CACNA1G: variants seen among roughly 807,000 people sequenced by gnomAD.
CACNA1G encodes the protein voltage-dependent T-type calcium channel subunit alpha-1G.
A neutral mutation model predicts 219.4 loss-of-function variants in CACNA1G; 67 were observed. That is an observed-to-expected ratio of 0.31 (90% CI 0.25 to 0.37). The LOEUF (loss-of-function observed/expected upper bound fraction) is 0.37, where lower values mean the gene tolerates loss of function less well. CACNA1G is among the 10% of genes least tolerant of loss of function. The pLI is 1.00. For missense variants in CACNA1G, 2,380 were observed against 3,231.4 expected (o/e 0.74, Z 6.39); for synonymous variants, 1,296 against 1,345.3 (o/e 0.96, Z 0.80).
In CACNA1G at chr17:50,572,397, C is replaced by T. The variant is rs198546; in HGVS notation, c.747-157C>T. ...CACTCAGGCCTCATGCTCCTGGTGC[C>T]CACAAATCCCTGCCCTGCCCAGTCC... On this transcript the variant is annotated intron_variant, in intron 5 of 37. Transcript: ENST00000359106. 0.085 allele frequency among the ~76,000 whole-genome samples: 12,999 copies of T among 152,130 alleles called. 748 individuals are homozygous for T. The highest frequency in any genetic ancestry group is 0.15 in the African/African-American group (6,159 of 41,466).
At position 50,618,113 on chromosome 17, in the gene CACNA1G, C is replaced by A; in HGVS notation, c.5292C>A (p.Leu1764=). 6.2e-7 allele frequency: 1 copy of A among 1,613,912 alleles called. No individual in the cohort carries two copies. Among genetic ancestry groups the A allele is most frequent in the Non-Finnish European group, 8.5e-7 (1 of 1,179,840 alleles). The part of the protein sequence containing the change: ...FFIFAALGVE[L]FGDLECDETH... ...TCTTTGCAGCTCTGGGCGTGGAGCT[C>A]TTTGGAGACCTGGGTGAGTTGGGGT... The change falls in exon 31 of 38, where the codon CTC becomes CTA. Residue 1764 remains leucine, a synonymous_variant. Coordinates refer to ENST00000359106, the MANE Select transcript of CACNA1G (RefSeq NM_018896.5). The surrounding 1 kb of genome is among the most constrained non-coding windows in gnomAD (Gnocchi z 5.3).
chr17:50,608,124 A>G, intron 25 of CACNA1G, 105 bp downstream of exon 25: 1 of 987,422 alleles, frequency 1.0e-6, no homozygotes, highest in Middle Eastern at 2.1e-4. Context: ...GGCCGGGGGC[A>G]GGGAGAAGAG....
At chr17:50,595,273 A>C (rs1375946194) in intron 14 of CACNA1G, among the ~76,000 whole-genome samples, 1 of 152,128 alleles carries the variant, frequency 6.6e-6, no homozygotes, top group East Asian at 1.9e-4. Context: ...CTCTGCCCCC[A>C]TCAACCCACC....
chr17:50,607,191 A>C, intron 24 of CACNA1G: 2 of 633,870 alleles, frequency 3.2e-6, no homozygotes, highest in Non-Finnish European at 5.8e-6. Context: ...GTTTTGAATT[A>C]GTGATGAATA....
At chr17:50,608,565 A>C (rs2048461140) in intron 25 of CACNA1G, among the ~76,000 whole-genome samples, 1 of 147,658 alleles carries the variant, frequency 6.8e-6, no homozygotes, top group East Asian at 1.9e-4. Flanking sequence ...CTAAACTTAA[A>C]AAAAGAAAAA....
chr17:50,618,825 G>C lies in CACNA1G; in HGVS notation c.5598G>C (p.Glu1866Asp). 1 of 1,613,898 alleles carries C rather than the reference G, an allele frequency of 6.2e-7. No homozygotes were observed. Among genetic ancestry groups the C allele is most frequent in the Non-Finnish European group, 8.5e-7 (1 of 1,179,894 alleles). ...ACAAGGAGGCCAAGGAGGAGGCCGA[G>C]CTAGAGGCTGAGCTGGAGCTGGAGA... ...ESNKEAKEEA[E>D]LEAELELEMK... is the part of the protein sequence containing the mutation. The change falls in exon 33 of 38, where the codon GAG becomes GAC. Residue 1866 changes from glutamate to aspartate, a missense_variant. By Grantham distance (45) the Glu-to-Asp change is conservative. This residue lies in a region of CACNA1G where 672 missense variants were observed against 670.5 expected (regional missense o/e 1.00). Transcript: ENST00000359106. This position sits in a 1 kb window ranked among gnomAD's most constrained non-coding sequence, Gnocchi z 5.3.
intron 9 of CACNA1G, among the ~76,000 whole-genome samples, chr17:50,587,490 C>T (rs970729914): frequency 6.6e-5 from 10 of 152,236 alleles, no homozygotes; most frequent in African/African-American, 1.7e-4. Context: ...TCTATGTCCT[C>T]GTCCTGCATT....
chr17:50,610,880 G>A (rs2146066495), intron 26 of CACNA1G, among the ~76,000 whole-genome samples: 1 of 152,306 alleles, frequency 6.6e-6, no homozygotes, highest in East Asian at 1.9e-4. Flanking sequence ...GGCAAAGAAA[G>A]ACCATTTCGT....
intron 25 of CACNA1G, 55 bp downstream of exon 25, chr17:50,608,074 C>T: frequency 6.6e-7 from 1 of 1,520,446 alleles, no homozygotes. Flanking sequence ...CTGGGTCGTG[C>T]TTGACCTTGG....
Position 50,569,010 on chromosome 17 carries a change from G to GTT in CACNA1G, c.354+30_354+31insTT. 8.1e-6 allele frequency: 12 copies of GTT among 1,472,564 alleles called. No homozygotes were observed. In the South Asian group the frequency reaches 1.2e-4, roughly 14 times the overall value. 91.2% of individuals were successfully genotyped at this position (1,472,564 alleles called of 1,614,324 possible). On this transcript the variant is annotated intron_variant, in intron 2 of 37. Transcript: ENST00000359106. Reference sequence around the variant, plus strand: ...AGTGTGTGTGTGTGTGTGTGTGTGTGTGTGTTGTGTGTGTTGGGGGTTGGC... The same window carrying GTT: ...AGTGTGTGTGTGTGTGTGTGTGTGTGTTTGTGTTGTGTGTGTTGGGGGTTGGC...
At chr17:50,568,821 G>C in intron 1 of CACNA1G, 49 bp from the exon 2 acceptor site, 1 of 1,488,582 alleles carries the variant, frequency 6.7e-7, no homozygotes, top group South Asian at 1.1e-5. Context: ...GGGTCGGGGG[G>C]CCGGCCTCAG....
chr17:50,572,951 A>G, intron 6 of CACNA1G, 70 bp from the exon 7 acceptor site: 1 of 1,564,684 alleles, frequency 6.4e-7, no homozygotes, highest in Non-Finnish European at 8.7e-7. Flanking sequence ...GGTGGGGGTC[A>G]AGGCCTCTGG....
In CACNA1G at chr17:50,602,900, T is replaced by C; in HGVS notation, c.3984+12T>C. The C allele has an allele frequency of 6.2e-7, 1 of 1,606,550 alleles. No individual in the cohort carries two copies. Among genetic ancestry groups the C allele is most frequent in the Non-Finnish European group, 8.5e-7 (1 of 1,176,812 alleles). The stretch of plus-strand genomic sequence containing the variant: ...AAATGACAGTGAAGGTGATGGGGGC[T>C]GGTGTTGGCTTGGGACCTCTGGTTC... On this transcript the variant is annotated intron_variant, in intron 20 of 37. Coordinates refer to ENST00000359106, the MANE Select transcript of CACNA1G (RefSeq NM_018896.5).
At chr17:50,616,767 T>C (rs2050688801) in intron 28 of CACNA1G, among the ~76,000 whole-genome samples, 1 of 152,212 alleles carries the variant, frequency 6.6e-6, no homozygotes, top group African/African-American at 2.4e-5. Flanking sequence ...GTTTCCTCAT[T>C]TGTAAAATGA....
At chr17:50,606,105 T>C in intron 23 of CACNA1G, 82 bp downstream of exon 23, 4 of 1,573,234 alleles carry the variant, frequency 2.5e-6, no homozygotes, top group Middle Eastern at 1.7e-4. Context: ...ACCTGCTGAC[T>C]CCGGTGGAGG....
At chr17:50,563,523 C>T (rs1397556594) in intron 1 of CACNA1G, among the ~76,000 whole-genome samples, 2 of 152,216 alleles carry the variant, frequency 1.3e-5, no homozygotes, top group African/African-American at 4.8e-5. Flanking sequence ...GTAGAGAGAG[C>T]TCTTCTCTCC....
In CACNA1G at chr17:50,621,546, CT is replaced by C. The variant is rs1259617499; in HGVS notation, c.5926-113del. On this transcript the variant is annotated intron_variant, in intron 34 of 37. Coordinates refer to ENST00000359106, the MANE Select transcript of CACNA1G (RefSeq NM_018896.5). This position sits in a 1 kb window ranked among gnomAD's most constrained non-coding sequence, Gnocchi z 4.6. ...GAAGGGATGCCTTTTTCCCGCCCCC[CT>C]GTGCTTCGTGAAAAGGGGGAAGTGG... 13 of 1,215,020 alleles carry C rather than the reference CT, an allele frequency of 1.1e-5. No homozygotes were observed. The East Asian group carries it at 1.2e-4, about 12-fold the overall frequency. 75.3% of individuals were successfully genotyped at this position (1,215,020 alleles called of 1,614,324 possible).
intron 8 of CACNA1G, among the ~76,000 whole-genome samples, chr17:50,576,778 G>A (rs944710828): frequency 1.3e-5 from 2 of 152,294 alleles, no homozygotes; most frequent in East Asian, 1.9e-4. Flanking sequence ...GGGCGGACTC[G>A]GGGCCCGCAC....
rs182101358 is a variant in CACNA1G, at chr17:50,581,809, C to T, written c.2301+3245C>T. Reference sequence around the variant, plus strand: ...GGCCAGCCTACATGTGTGCCCCATCCGCTCAGGGCGGTACATGGAGTCCAG... The same window carrying T: ...GGCCAGCCTACATGTGTGCCCCATCTGCTCAGGGCGGTACATGGAGTCCAG... On this transcript the variant is annotated intron_variant, in intron 9 of 37. Coordinates refer to ENST00000359106, the MANE Select transcript of CACNA1G (RefSeq NM_018896.5). Among the ~76,000 whole-genome samples, 397 of 152,346 alleles carry T rather than the reference C, an allele frequency of 2.6e-3. 2 individuals are homozygous for T. Among genetic ancestry groups the T allele is most frequent in the African/African-American group, 7.8e-3 (326 of 41,574 alleles).
Sources: gnomAD v4.1 joint callset for allele counts (sites outside exome capture counted in the v4.1 genomes callset) on GRCh38, gnomAD v4.1.1 for gene constraint, gnomAD v4.1.1 regional missense constraint, Gnocchi (gnomAD v3.1) non-coding constraint, MANE v1.5 for transcripts, NCBI Gene and HGNC (gene_info 2026-07-23, HGNC 2026-07-21) for gene names.